SDK1: variants seen among roughly 807,000 people sequenced by gnomAD.
SDK1 encodes the protein protein sidekick-1.
A neutral mutation model predicts 245.5 loss-of-function variants in SDK1; 157 were observed. The ratio of observed to expected loss-of-function variants is 0.64; its 90% CI spans 0.56 to 0.73. SDK1 has a LOEUF of 0.73. SDK1 is among the 30% of genes least tolerant of loss of function. SDK1 has a pLI of 0.00. For synonymous variants in SDK1, 1,647 were observed against 1,278.5 expected, an observed-to-expected ratio of 1.29 and a Z score of -6.15; for missense variants, 3,583 against 3,002.3, an observed-to-expected ratio of 1.19 and a Z score of -4.52.
At chr7:3,421,821 ACAGAGCTGCTGC>A (rs1185799539) in intron 1 of SDK1, among the ~76,000 whole-genome samples, 1 of 152,178 alleles carries the variant, frequency 6.6e-6, no homozygotes, top group African/African-American at 2.4e-5. Context: ...ACCTTAAATA[ACAGAGCTGCTGC>A]CAGGGCTGCT....
chr7:4,241,933 C>T lies in SDK1; in HGVS notation c.6251+20C>T, dbSNP rs1408971325. The T allele has an allele frequency of 6.2e-7, 1 of 1,609,560 alleles. No individual in the cohort carries two copies. Among genetic ancestry groups the T allele is most frequent in the South Asian group, 1.1e-5 (1 of 91,026 alleles). On this transcript the variant is annotated intron_variant, in intron 43 of 44. Transcript: ENST00000404826. ...GACCAGGTAGGCAGGCAGTGCTGTG[C>T]TGCGCCCACCTGGGGATCTGAGCTG...
chr7:3,616,793 G>A (rs117249598), intron 1 of SDK1, among the ~76,000 whole-genome samples: 2 of 152,132 alleles, frequency 1.3e-5, no homozygotes, highest in East Asian at 3.8e-4. Flanking sequence ...TGTGCAACTA[G>A]TTTCAGTGTT....
intron 2 of SDK1, among the ~76,000 whole-genome samples, chr7:3,623,124 A>G (rs1203933573): frequency 6.6e-6 from 1 of 152,184 alleles, no homozygotes; most frequent in African/African-American, 2.4e-5. Flanking sequence ...GTCAGTTATG[A>G]AAATGCTAAC....
chr7:4,173,222 A>C (rs1379885130), intron 32 of SDK1, among the ~76,000 whole-genome samples: 1 of 152,158 alleles, frequency 6.6e-6, no homozygotes, highest in African/African-American at 2.4e-5. Flanking sequence ...CTTATCCCTC[A>C]TCTGAGTATC....
At chr7:3,569,498 C>T (rs1780039807) in intron 1 of SDK1, among the ~76,000 whole-genome samples, 1 of 152,262 alleles carries the variant, frequency 6.6e-6, no homozygotes, top group African/African-American at 2.4e-5. Flanking sequence ...GCCCGAGGCT[C>T]TGCACTTCAC....
chr7:3,581,335 C>T (rs1010365846), intron 1 of SDK1, among the ~76,000 whole-genome samples: 5 of 152,070 alleles, frequency 3.3e-5, no homozygotes, highest in Non-Finnish European at 7.4e-5. Flanking sequence ...AATTAGTGGG[C>T]AAAGGACATG....
intron 17 of SDK1, among the ~76,000 whole-genome samples, chr7:4,033,303 A>G (rs929200119): frequency 6.6e-6 from 1 of 152,234 alleles, no homozygotes; most frequent in Non-Finnish European, 1.5e-5. Flanking sequence ...ATATACAAGG[A>G]TACATTCCAA....
chr7:3,405,826 T>TA (rs1779038756), intron 1 of SDK1, among the ~76,000 whole-genome samples: 1 of 150,174 alleles, frequency 6.7e-6, no homozygotes, highest in African/African-American at 2.4e-5. Flanking sequence ...TTTTTTTTTT[T>TA]TTTTTTGAGA....
At chr7:3,829,298 G>A (rs2115071063) in intron 5 of SDK1, among the ~76,000 whole-genome samples, 1 of 152,304 alleles carries the variant, frequency 6.6e-6, no homozygotes, top group Admixed American at 6.5e-5. Context: ...GAAGCTATAT[G>A]CAGATGTGAT....
At chr7:4,007,517 A>G (rs1361940712) in intron 14 of SDK1, among the ~76,000 whole-genome samples, 3 of 152,132 alleles carry the variant, frequency 2.0e-5, no homozygotes, top group African/African-American at 7.2e-5. Flanking sequence ...CCCTGGGCCA[A>G]GCTTACAGCT....
intron 4 of SDK1, among the ~76,000 whole-genome samples, chr7:3,779,158 A>G (rs561343803): frequency 2.0e-5 from 3 of 152,356 alleles, no homozygotes; most frequent in South Asian, 2.1e-4. Flanking sequence ...AAAAATAAAC[A>G]CACTATCTTT....
chr7:3,427,568 T>C (rs1259235248), intron 1 of SDK1, among the ~76,000 whole-genome samples: 2 of 151,680 alleles, frequency 1.3e-5, no homozygotes, highest in South Asian at 4.2e-4. Context: ...TAAAAACTTA[T>C]CAGGAGTAGT....
At chr7:3,855,473 C>T (rs61176406) in intron 5 of SDK1, among the ~76,000 whole-genome samples, 3,761 of 152,208 alleles carry the variant, frequency 0.025, 155 homozygotes, top group African/African-American at 0.086. Context: ...AAAAATTAAA[C>T]AGGCTGAAGA....
At chr7:3,636,019 T>G (rs778264740) in intron 2 of SDK1, among the ~76,000 whole-genome samples, 2 of 152,262 alleles carry the variant, frequency 1.3e-5, no homozygotes, top group African/African-American at 2.4e-5. Flanking sequence ...TGATGTACCT[T>G]ATTCAACTGC....
chr7:3,583,719 G>C (rs749406916), intron 1 of SDK1, among the ~76,000 whole-genome samples: 1 of 152,112 alleles, frequency 6.6e-6, no homozygotes, highest in Non-Finnish European at 1.5e-5. Context: ...GAGAGGCATG[G>C]CATGCCACAG....
rs530618446 is a variant in SDK1 at position 3,737,384 on chromosome 7, C to T, written c.714-84066C>T. On this transcript the variant is annotated intron_variant, in intron 4 of 44. Coordinates refer to ENST00000404826, the MANE Select transcript of SDK1 (RefSeq NM_152744.4). Reference sequence around the variant, plus strand: ...CCTGGGTGGTGCAGGGGGGCGTCCACTGTGTTCCATAGCTGGTCAGGGTCT... The same window carrying T: ...CCTGGGTGGTGCAGGGGGGCGTCCATTGTGTTCCATAGCTGGTCAGGGTCT... Among the ~76,000 whole-genome samples, 303 of 152,328 alleles carry T rather than the reference C, an allele frequency of 2.0e-3. 1 individual carries two copies. Among genetic ancestry groups the T allele is most frequent in the African/African-American group, 6.9e-3 (289 of 41,586 alleles).
chr7:3,679,535 C>T (rs1372085533), intron 4 of SDK1, among the ~76,000 whole-genome samples: 1 of 151,782 alleles, frequency 6.6e-6, no homozygotes, highest in South Asian at 2.1e-4. Flanking sequence ...CCACTGCACT[C>T]CAGCCTGGGC....
At chr7:4,250,785 G>A (rs1234814471) in intron 44 of SDK1, among the ~76,000 whole-genome samples, 1 of 152,128 alleles carries the variant, frequency 6.6e-6, no homozygotes, top group South Asian at 2.1e-4. Flanking sequence ...TTTAAAAAAT[G>A]CTTTATTGAG....
At chr7:4,174,824 C>T (rs750362142) in intron 33 of SDK1, among the ~76,000 whole-genome samples, 10 of 152,136 alleles carry the variant, frequency 6.6e-5, no homozygotes, top group Non-Finnish European at 1.0e-4. Context: ...GTTGCTCTGA[C>T]GAGGGCCCAG....
Sources: allele counts gnomAD v4.1 joint callset (sites outside exome capture counted in the v4.1 genomes callset), GRCh38; gene constraint gnomAD v4.1.1; transcripts MANE v1.5; gene names NCBI Gene and HGNC (gene_info 2026-07-23, HGNC 2026-07-21).